The following LRP1B variants were observed in gnomAD, a reference collection of about 807,000 sequenced individuals.
LRP1B encodes the protein LDL receptor related protein 1B.
LRP1B carries 217 observed loss-of-function variants against 556.6 expected under a neutral mutation model. The ratio of observed to expected loss-of-function variants is 0.39; its 90% CI spans 0.35 to 0.44. LRP1B has a LOEUF of 0.44. Among genes scored for constraint, LRP1B ranks in the 20% least tolerant of loss-of-function variants. The pLI, the probability that LRP1B is intolerant of heterozygous loss-of-function variation, is 1.00. For missense variants in LRP1B, 5,053 were observed against 5,620.8 expected, an observed-to-expected ratio of 0.90 and a Z score of 3.23; for synonymous variants, 2,047 against 1,865.8, an observed-to-expected ratio of 1.10 and a Z score of -2.50.
chr2:141,954,560 C>G (rs967422269), intron 1 of LRP1B, among the ~76,000 whole-genome samples: 3 of 152,090 alleles, frequency 2.0e-5, no homozygotes, highest in Non-Finnish European at 2.9e-5. Context: ...CAAATGTTTT[C>G]TGTGAATATT....
chr2:140,529,053 A>T (rs1435534319), intron 47 of LRP1B, among the ~76,000 whole-genome samples: 1 of 151,964 alleles, frequency 6.6e-6, no homozygotes. Flanking sequence ...GTCCAAATAA[A>T]GATAAGCCAA....
intron 66 of LRP1B, among the ~76,000 whole-genome samples, chr2:140,430,181 A>G (rs1685858478): frequency 6.6e-6 from 1 of 152,126 alleles, no homozygotes; most frequent in Non-Finnish European, 1.5e-5. Flanking sequence ...ATGCTGTAGT[A>G]TCTTCCACAT....
chr2:141,564,629 G>A (rs1686268639), intron 2 of LRP1B, among the ~76,000 whole-genome samples: 1 of 152,016 alleles, frequency 6.6e-6, no homozygotes, highest in East Asian at 1.9e-4. Context: ...ATGTGTCAAA[G>A]GGATACGTTC....
At chr2:141,219,504 C>T (rs1288520580) in intron 6 of LRP1B, among the ~76,000 whole-genome samples, 1 of 152,176 alleles carries the variant, frequency 6.6e-6, no homozygotes, top group African/African-American at 2.4e-5. Flanking sequence ...TTTAGTGGAC[C>T]TAGTCTTTCC....
intron 3 of LRP1B, among the ~76,000 whole-genome samples, chr2:141,334,713 G>T (rs968660381): frequency 2.6e-5 from 4 of 152,058 alleles, no homozygotes; most frequent in Non-Finnish European, 5.9e-5. Flanking sequence ...CACTATGCCA[G>T]GCTAATTTTT....
intron 2 of LRP1B, among the ~76,000 whole-genome samples, chr2:141,510,098 A>C (rs1247789381): frequency 6.6e-6 from 1 of 151,908 alleles, no homozygotes; most frequent in Non-Finnish European, 1.5e-5. Context: ...TTAACTTCTT[A>C]ATCTGAAATC....
At chr2:140,264,560 A>T (rs1157834430) in intron 86 of LRP1B, among the ~76,000 whole-genome samples, 1 of 152,048 alleles carries the variant, frequency 6.6e-6, no homozygotes, top group Non-Finnish European at 1.5e-5. Context: ...AGCCATTTGA[A>T]ACTCAATCAC....
At chr2:141,441,693 T>C (rs142082751) in intron 3 of LRP1B, among the ~76,000 whole-genome samples, 1 of 152,162 alleles carries the variant, frequency 6.6e-6, no homozygotes, top group Admixed American at 6.5e-5. Context: ...ATAGAATAAT[T>C]ACCCAGGAAC....
intron 35 of LRP1B, among the ~76,000 whole-genome samples, chr2:140,748,365 T>TCA (rs1559094023): frequency 9.9e-4 from 103 of 104,550 alleles, no homozygotes; most frequent in African/African-American, 3.4e-3. Flanking sequence ...TAATATATAT[T>TCA]TATATATGTA....
intron 15 of LRP1B, among the ~76,000 whole-genome samples, chr2:141,000,187 G>A (rs979028154): frequency 1.3e-5 from 2 of 151,802 alleles, no homozygotes; most frequent in Admixed American, 1.3e-4. Flanking sequence ...TCAAAGTGTT[G>A]GGATTACAGC....
intron 1 of LRP1B, among the ~76,000 whole-genome samples, chr2:142,125,007 A>G (rs940915732): frequency 6.6e-6 from 1 of 151,734 alleles, no homozygotes; most frequent in Non-Finnish European, 1.5e-5. Flanking sequence ...GTGGGCTTGT[A>G]TAGAGATAGC....
At position 141,928,462 on chromosome 2, in the gene LRP1B, G is replaced by T. The variant is rs549818380; in HGVS notation, c.83-118061C>A. On this transcript the variant is annotated intron_variant, in intron 1 of 90. Coordinates refer to ENST00000389484, the MANE Select transcript of LRP1B (RefSeq NM_018557.3). Reference sequence around the variant, plus strand: ...ATATAAAGGCTTTGAAACAACAACTGTCATTGGCTGAATACTGTATATTTT... The same window carrying T: ...ATATAAAGGCTTTGAAACAACAACTTTCATTGGCTGAATACTGTATATTTT... Among the ~76,000 whole-genome samples the T allele has an allele frequency of 2.0e-5, 3 of 152,204 alleles. No individual in the cohort carries two copies. The South Asian group carries it at 6.2e-4, about 32-fold the overall frequency.
At chr2:141,729,755 T>G (rs772964419) in intron 2 of LRP1B, among the ~76,000 whole-genome samples, 7 of 152,224 alleles carry the variant, frequency 4.6e-5, no homozygotes, top group Non-Finnish European at 1.0e-4. Flanking sequence ...TGAACATATT[T>G]TATTGCTTTC....
intron 1 of LRP1B, among the ~76,000 whole-genome samples, chr2:141,962,665 G>A (rs150017482): frequency 6.5e-4 from 99 of 151,852 alleles, no homozygotes; most frequent in Middle Eastern, 3.4e-3. Flanking sequence ...AGAGTATGGC[G>A]AGAGACTCAA....
chr2:140,957,537 G>A (rs1376194512), intron 18 of LRP1B, among the ~76,000 whole-genome samples: 1 of 151,586 alleles, frequency 6.6e-6, no homozygotes, highest in Non-Finnish European at 1.5e-5. Flanking sequence ...CTGACAATAT[G>A]GCAGACAATC....
At chr2:140,494,311 T>C (rs1005395464) in intron 56 of LRP1B, among the ~76,000 whole-genome samples, 58 of 152,182 alleles carry the variant, frequency 3.8e-4, no homozygotes, top group African/African-American at 1.4e-3. Flanking sequence ...TGATTTAATC[T>C]CTTCTTTTTG....
chr2:140,724,906 C>T (rs1217123932), intron 35 of LRP1B, among the ~76,000 whole-genome samples: 1 of 152,162 alleles, frequency 6.6e-6, no homozygotes, highest in Admixed American at 6.5e-5. Context: ...GTTGCACATA[C>T]ATTTCTTCTT....
At chr2:140,296,241 G>A (rs1052041504) in intron 84 of LRP1B, among the ~76,000 whole-genome samples, 4 of 151,990 alleles carry the variant, frequency 2.6e-5, no homozygotes, top group African/African-American at 9.7e-5. Flanking sequence ...TTACCTTCAG[G>A]CTTTGTGTAT....
chr2:141,166,765 GA>G (rs1174489795), intron 7 of LRP1B, among the ~76,000 whole-genome samples: 2 of 151,850 alleles, frequency 1.3e-5, no homozygotes, highest in African/African-American at 4.8e-5. Context: ...CTTCATCTAT[GA>G]AAATATTTAC....
Sources: gnomAD v4.1 joint callset for allele counts (sites outside exome capture counted in the v4.1 genomes callset) on GRCh38, gnomAD v4.1.1 for gene constraint, MANE v1.5 for transcripts, NCBI Gene and HGNC (gene_info 2026-07-23, HGNC 2026-07-21) for gene names.